The following STPG2 variants were observed in gnomAD, a reference collection of about 807,000 sequenced individuals.
STPG2 encodes the protein sperm tail PG-rich repeat containing 2.
In STPG2, 56 loss-of-function variants were observed where a neutral mutation model predicts 54.2. The observed-to-expected ratio is 1.03, with a 90% confidence interval of 0.83 to 1.29. The LOEUF (loss-of-function observed/expected upper bound fraction) is 1.29, where lower values mean the gene tolerates loss of function less well. Among genes scored for constraint, STPG2 ranks in the 50% most tolerant of loss-of-function variants. The pLI is 0.00. For missense variants in STPG2, 596 were observed against 544.9 expected (o/e 1.09, Z -0.93); for synonymous variants, 200 against 181.8 (o/e 1.10, Z -0.81).
At chr4:98,033,803 A>G (rs747401942) in intron 5 of STPG2, among the ~76,000 whole-genome samples, 58 of 152,222 alleles carry the variant, frequency 3.8e-4, no homozygotes, top group Non-Finnish European at 7.9e-4. Flanking sequence ...CAACATAGGC[A>G]AATCAATAAA....
At chr4:97,579,922 A>C (rs1732821927) in intron 10 of STPG2, among the ~76,000 whole-genome samples, 1 of 152,072 alleles carries the variant, frequency 6.6e-6, no homozygotes, top group Non-Finnish European at 1.5e-5. Context: ...ATTAAGTGTT[A>C]TATATCAACA....
chr4:97,655,423 AGTT>A lies in STPG2; in HGVS notation c.1320+57273_1320+57275del, dbSNP rs900495007. 9.2e-5 allele frequency among the ~76,000 whole-genome samples: 14 copies of A among 152,178 alleles called. No individual in the cohort carries two copies. In the East Asian group the frequency reaches 1.9e-3, roughly 21 times the overall value. Reference sequence around the variant, plus strand: ...TATTTTGTAGATAACACTAAAATTAAGTTGTTGTGTCTTATCTTTTCAGGGATA... The same window carrying A: ...TATTTTGTAGATAACACTAAAATTAAGTTGTGTCTTATCTTTTCAGGGATA... On this transcript the variant is annotated intron_variant, in intron 10 of 10. Transcript: ENST00000295268.
At chr4:97,637,157 C>A (rs1447451378) in intron 10 of STPG2, among the ~76,000 whole-genome samples, 1 of 152,202 alleles carries the variant, frequency 6.6e-6, no homozygotes, top group African/African-American at 2.4e-5. Flanking sequence ...ATCGAGTGGG[C>A]TTCATCCCTG....
chr4:97,658,419 A>C (rs1175915704), intron 10 of STPG2, among the ~76,000 whole-genome samples: 1 of 152,232 alleles, frequency 6.6e-6, no homozygotes, highest in East Asian at 1.9e-4. Context: ...AATACGTCAT[A>C]CTTTGGTAAA....
At chr4:97,918,055 C>G (rs774281495) in intron 8 of STPG2, among the ~76,000 whole-genome samples, 73 of 149,794 alleles carry the variant, frequency 4.9e-4, no homozygotes, top group Non-Finnish European at 8.4e-4. Flanking sequence ...TTAAGGCATG[C>G]GTATATAAGG....
intron 7 of STPG2, among the ~76,000 whole-genome samples, chr4:97,951,515 C>A (rs1016768129): frequency 6.6e-6 from 1 of 151,900 alleles, no homozygotes; most frequent in Non-Finnish European, 1.5e-5. Context: ...TTTTTCCCCC[C>A]TTAAGACTGT....
Position 97,943,877 on chromosome 4 carries a change from G to C in STPG2, c.1044+20C>G. 2 of 1,456,726 alleles carry C rather than the reference G, an allele frequency of 1.4e-6. No individual in the cohort carries two copies. Among genetic ancestry groups the C allele is most frequent in the Admixed American group, 2.4e-5 (1 of 41,070 alleles). 90.2% of individuals were successfully genotyped at this position (1,456,726 alleles called of 1,614,324 possible). A position where few individuals can be genotyped will look rare whatever the true frequency, so the allele number is the denominator to read the frequency against. On this transcript the variant is annotated intron_variant, in intron 8 of 10. Coordinates refer to ENST00000295268, the MANE Select transcript of STPG2 (RefSeq NM_174952.3). Reference sequence around the variant, plus strand: ...TGATTTCTAGATAATGAAAATATTTGATTGTAGGAGTATTCTTACCATATC... The same window carrying C: ...TGATTTCTAGATAATGAAAATATTTCATTGTAGGAGTATTCTTACCATATC...
intron 4 of STPG2, among the ~76,000 whole-genome samples, chr4:97,525,172 T>C (rs1731256938): frequency 6.6e-6 from 1 of 151,928 alleles, no homozygotes; most frequent in African/African-American, 2.4e-5. Flanking sequence ...CAACCATAAA[T>C]ATTAAATTCA....
intron 4 of STPG2, chr4:97,489,997 T>C (rs1039470746): frequency 6.6e-6 from 1 of 151,498 alleles, no homozygotes; most frequent in Non-Finnish European, 1.5e-5. Context: ...GTCTTTTAGA[T>C]GGTCAAGACC....
chr4:98,110,490 C>T (rs186656962), intron 3 of STPG2, among the ~76,000 whole-genome samples: 8 of 152,210 alleles, frequency 5.3e-5, no homozygotes, highest in Admixed American at 4.6e-4. Flanking sequence ...CGTGGCCCCT[C>T]TCAAGTGCTA....
intron 5 of STPG2, among the ~76,000 whole-genome samples, chr4:97,999,513 G>T (rs1004504125): frequency 6.6e-6 from 1 of 152,126 alleles, no homozygotes; most frequent in African/African-American, 2.4e-5. Flanking sequence ...GACCAGCCTA[G>T]CCAACATGGC....
intron 9 of STPG2, among the ~76,000 whole-genome samples, chr4:97,760,485 G>T (rs1725857391): frequency 1.3e-5 from 2 of 152,092 alleles, no homozygotes; most frequent in African/African-American, 4.8e-5. Context: ...ATCTCTCAAG[G>T]ATTATATAGA....
chr4:97,477,949 A>G (rs762648406), intron 4 of STPG2, among the ~76,000 whole-genome samples: 9 of 152,212 alleles, frequency 5.9e-5, no homozygotes, highest in Non-Finnish European at 1.2e-4. Flanking sequence ...TGTTAACTAA[A>G]TAAAAATGCA....
chr4:97,864,711 C>T (rs1409698802), intron 8 of STPG2, among the ~76,000 whole-genome samples: 1 of 152,082 alleles, frequency 6.6e-6, no homozygotes. Context: ...GCTGCAGTAA[C>T]CAAAACAGCA....
intron 8 of STPG2, 25 bp from the exon 9 acceptor site, chr4:97,840,957 C>T: frequency 1.2e-6 from 2 of 1,607,268 alleles, no homozygotes; most frequent in Non-Finnish European, 1.7e-6. Context: ...AATAGATGAG[C>T]ATAAATATAT....
At chr4:98,073,637 G>T (rs2009811) in intron 5 of STPG2, among the ~76,000 whole-genome samples, 5 of 151,872 alleles carry the variant, frequency 3.3e-5, no homozygotes, top group African/African-American at 1.2e-4. Context: ...TGAGACAGGA[G>T]AATTGCTTGA....
chr4:97,666,532 C>A (rs1722531885), intron 10 of STPG2, among the ~76,000 whole-genome samples: 1 of 152,152 alleles, frequency 6.6e-6, no homozygotes, highest in African/African-American at 2.4e-5. Context: ...CCACATATTT[C>A]TTGGCTTTTG....
At chr4:98,105,862 A>C (rs1395262554) in intron 5 of STPG2, 91 bp downstream of exon 5, 1 of 1,123,938 alleles carries the variant, frequency 8.9e-7, no homozygotes, top group Non-Finnish European at 1.3e-6. Flanking sequence ...TATCAGGCAC[A>C]TTAGATCAAA....
chr4:97,454,461 C>T (rs559945545), intron 4 of STPG2, among the ~76,000 whole-genome samples: 8 of 133,750 alleles, frequency 6.0e-5, no homozygotes, highest in South Asian at 4.9e-4. Context: ...TGCAGTGAGC[C>T]GAGATTGCGC....
Sources: allele counts gnomAD v4.1 joint callset (sites outside exome capture counted in the v4.1 genomes callset), GRCh38; gene constraint gnomAD v4.1.1; transcripts MANE v1.5; gene names NCBI Gene and HGNC (gene_info 2026-07-23, HGNC 2026-07-21).